Variants in COX7B2 observed in about 807,000 individuals in gnomAD.
The protein encoded by COX7B2 is cytochrome c oxidase subunit 7B2, mitochondrial.
For synonymous variants in COX7B2, 37 were observed against 32.1 expected, an observed-to-expected ratio of 1.15 and a Z score of -0.51; for missense variants, 109 against 95.9, an observed-to-expected ratio of 1.14 and a Z score of -0.57.
At chr4:46,850,928 C>T (rs1310483087) in intron 1 of COX7B2, among the ~76,000 whole-genome samples, 2 of 152,078 alleles carry the variant, frequency 1.3e-5, no homozygotes, top group African/African-American at 2.4e-5. Flanking sequence ...CAATGAGGAC[C>T]GGTTCAACTT....
At chr4:46,908,476 C>T (rs1016964276) in intron 1 of COX7B2, among the ~76,000 whole-genome samples, 4 of 152,130 alleles carry the variant, frequency 2.6e-5, no homozygotes, top group Non-Finnish European at 5.9e-5. Flanking sequence ...ATACAAACAG[C>T]TACTCTCCTG....
At chr4:46,880,641 T>C (rs867265856) in intron 1 of COX7B2, among the ~76,000 whole-genome samples, 21 of 151,720 alleles carry the variant, frequency 1.4e-4, no homozygotes, top group South Asian at 2.1e-4. Flanking sequence ...GGTAACATTC[T>C]CTTCATCATT....
intron 2 of COX7B2, among the ~76,000 whole-genome samples, chr4:46,744,513 C>A (rs888858980): frequency 6.6e-6 from 1 of 151,892 alleles, no homozygotes. Flanking sequence ...GGTAACACAT[C>A]CATCTTTATT....
Position 46,879,487 on chromosome 4 carries a change from C to T in COX7B2, c.-105+29673G>A, listed in dbSNP as rs548870093. On this transcript the variant is annotated intron_variant, in intron 1 of 2. Transcript: ENST00000355591. ...GAACTGCTGGCCTCAAGCGTTCCTC[C>T]CACCTCAGCCTCCTAAAGTGCTGAG... 2.6e-5 allele frequency among the ~76,000 whole-genome samples: 4 copies of T among 151,758 alleles called. No individual in the cohort carries two copies. The South Asian group carries it at 8.4e-4, about 32-fold the overall frequency.
At chr4:46,745,961 T>G (rs1714998312) in intron 2 of COX7B2, among the ~76,000 whole-genome samples, 1 of 152,186 alleles carries the variant, frequency 6.6e-6, no homozygotes, top group African/African-American at 2.4e-5. Context: ...TAAATTAACA[T>G]AATCATCTGA....
At chr4:46,788,297 C>G (rs2109575943) in intron 2 of COX7B2, among the ~76,000 whole-genome samples, 1 of 152,018 alleles carries the variant, frequency 6.6e-6, no homozygotes, top group African/African-American at 2.4e-5. Context: ...AAAATCTGAA[C>G]TGAAAAAAAC....
chr4:46,892,589 C>T (rs1322325016), intron 1 of COX7B2, among the ~76,000 whole-genome samples: 1 of 152,172 alleles, frequency 6.6e-6, no homozygotes, highest in Non-Finnish European at 1.5e-5. Flanking sequence ...TTGACTCTTT[C>T]ACCCAAAACC....
chr4:46,808,858 A>G (rs1719143724), intron 2 of COX7B2, among the ~76,000 whole-genome samples: 1 of 151,762 alleles, frequency 6.6e-6, no homozygotes, highest in Non-Finnish European at 1.5e-5. Context: ...CATATGTTCA[A>G]CCAGCCTTGC....
chr4:46,853,267 TA>T (rs1225494029), intron 1 of COX7B2, among the ~76,000 whole-genome samples: 1 of 152,156 alleles, frequency 6.6e-6, no homozygotes, highest in Non-Finnish European at 1.5e-5. Flanking sequence ...GTATATACGC[TA>T]AAAACAAAGA....
At chr4:46,774,267 T>C (rs548949102) in intron 2 of COX7B2, among the ~76,000 whole-genome samples, 21 of 152,174 alleles carry the variant, frequency 1.4e-4, no homozygotes, top group Non-Finnish European at 2.9e-4. Context: ...GCAACACATT[T>C]ATAACCCGTT....
At chr4:46,832,653 A>G (rs1387227527) in intron 2 of COX7B2, among the ~76,000 whole-genome samples, 1 of 152,156 alleles carries the variant, frequency 6.6e-6, no homozygotes, top group Non-Finnish European at 1.5e-5. Context: ...TGATTGGCGC[A>G]TGGAGGCAGA....
At chr4:46,808,669 G>C (rs961662340) in intron 2 of COX7B2, among the ~76,000 whole-genome samples, 1 of 151,792 alleles carries the variant, frequency 6.6e-6, no homozygotes, top group Non-Finnish European at 1.5e-5. Flanking sequence ...AATATTAGCT[G>C]TGGGTTTTTT....
At chr4:46,776,233 G>C (rs781704848) in intron 2 of COX7B2, among the ~76,000 whole-genome samples, 7 of 151,896 alleles carry the variant, frequency 4.6e-5, no homozygotes, top group Non-Finnish European at 1.0e-4. Flanking sequence ...TCCTTTTAAA[G>C]GAATATGCAT....
At chr4:46,884,598 T>C (rs747684823) in intron 1 of COX7B2, among the ~76,000 whole-genome samples, 1 of 152,118 alleles carries the variant, frequency 6.6e-6, no homozygotes, top group South Asian at 2.1e-4. Flanking sequence ...TGTTTTATGC[T>C]ATCAAGTACC....
chr4:46,863,887 A>G (rs1007816970), intron 1 of COX7B2, among the ~76,000 whole-genome samples: 1 of 152,186 alleles, frequency 6.6e-6, no homozygotes, highest in Non-Finnish European at 1.5e-5. Context: ...AAAAGTTTTA[A>G]GGGCTAATGA....
chr4:46,838,360 A>G (rs940435171), intron 2 of COX7B2, among the ~76,000 whole-genome samples: 2 of 152,110 alleles, frequency 1.3e-5, no homozygotes, highest in African/African-American at 2.4e-5. Context: ...GCAAACATGT[A>G]TAATATATAT....
chr4:46,820,127 T>C (rs999445988), intron 2 of COX7B2, among the ~76,000 whole-genome samples: 24 of 152,204 alleles, frequency 1.6e-4, no homozygotes, highest in Non-Finnish European at 3.5e-4. Context: ...TACACTGTAA[T>C]ATATAATGAA....
chr4:46,804,561 A>ACCAGAGTAG (rs1403348263), intron 2 of COX7B2, among the ~76,000 whole-genome samples: 2 of 152,010 alleles, frequency 1.3e-5, no homozygotes, highest in Admixed American at 6.5e-5. Context: ...CCAACTCCCC[A>ACCAGAGTAG]CCAGAGTAGC....
At chr4:46,774,585 G>T (rs1315166453) in intron 2 of COX7B2, among the ~76,000 whole-genome samples, 3 of 151,996 alleles carry the variant, frequency 2.0e-5, no homozygotes, top group African/African-American at 7.2e-5. Flanking sequence ...TGTCTAAAGT[G>T]CCATTTGTTG....
Sources: allele counts gnomAD v4.1 joint callset (sites outside exome capture counted in the v4.1 genomes callset), GRCh38; gene constraint gnomAD v4.1.1; transcripts MANE v1.5; gene names NCBI Gene and HGNC (gene_info 2026-07-23, HGNC 2026-07-21).